Variants in SZT2 observed in about 807,000 individuals in gnomAD.
The protein encoded by SZT2 is SZT2 subunit of KICSTOR complex.
SZT2 carries 216 observed loss-of-function variants against 404.2 expected under a neutral mutation model. The observed-to-expected ratio is 0.53, with a 90% CI of 0.48 to 0.60. The LOEUF (loss-of-function observed/expected upper bound fraction) is 0.60. Ranked by LOEUF, SZT2 falls within the 20% of genes least tolerant of loss-of-function variation. The pLI is 0.00. For synonymous variants in SZT2, 1,693 were observed against 1,749.9 expected (o/e 0.97, Z 0.81); for missense variants, 3,857 against 4,459.2 (o/e 0.86, Z 3.85).
Position 43,403,778 on chromosome 1 carries a change from A to C in SZT2, c.327+4A>C, listed in dbSNP as rs931721186. On this transcript the variant is annotated splice_donor_region_variant and intron_variant, in intron 3 of 71. Coordinates refer to ENST00000634258, the MANE Select transcript of SZT2 (RefSeq NM_001365999.1). ...TAGCCCATCTACTGGCATTGTGGTA[A>C]AGGATTGAAGGGAGACTGTGGGAAG... 2 of 1,613,432 alleles carry C rather than the reference A, an allele frequency of 1.2e-6. No individual in the cohort carries two copies. Among genetic ancestry groups the C allele is most frequent in the Non-Finnish European group, 1.7e-6 (2 of 1,179,460 alleles).
intron 41 of SZT2, 45 bp from the exon 42 acceptor site, chr1:43,435,155 A>G: frequency 6.2e-7 from 1 of 1,604,898 alleles, no homozygotes; most frequent in Non-Finnish European, 8.5e-7. Context: ...CCACCCACTT[A>G]GGAGGAGGTA....
intron 1 of SZT2, among the ~76,000 whole-genome samples, chr1:43,401,696 G>T (rs546010698): frequency 2.0e-5 from 3 of 152,222 alleles, no homozygotes; most frequent in African/African-American, 7.2e-5. Context: ...ATGTTGGCCA[G>T]GCTGGTCTCG....
chr1:43,390,119 A>G, intron 1 of SZT2, 124 bp downstream of exon 1: 1 of 1,182,188 alleles, frequency 8.5e-7, no homozygotes. Context: ...GGCAGGGACC[A>G]GCCCAGCCCG....
chr1:43,430,064 C>T lies in SZT2; in HGVS notation c.4362C>T (p.Pro1454=), dbSNP rs780067380. Residue 1454 remains proline, a synonymous_variant, in exon 30 of 72, where the codon CCC becomes CCT. Coordinates refer to ENST00000634258, the MANE Select transcript of SZT2 (RefSeq NM_001365999.1). ...ACTTCCGCACAGTGCCTTCCAATCC[C>T]CACTACTTCTTCTATTGCCCTCCAT... ...RLHFRTVPSN[P]HYFFYCPPSS... 19 of 1,614,064 alleles carry T rather than the reference C, an allele frequency of 1.2e-5. No individual in the cohort carries two copies. The highest frequency in any genetic ancestry group is 1.6e-4 in the Middle Eastern group (1 of 6,084).
intron 41 of SZT2, 97 bp downstream of exon 41, chr1:43,434,582 T>C: frequency 9.2e-7 from 1 of 1,089,222 alleles, no homozygotes; most frequent in Non-Finnish European, 1.3e-6. Context: ...CATTTCAGAA[T>C]CAATAATTAT....
rs777844388 is a variant in SZT2, at chr1:43,430,523, CTGAGAG to C, written c.4512_4517del (p.Glu1504_Ser1505del). On this transcript the variant is annotated inframe_deletion, in exon 32 of 72. Coordinates refer to ENST00000634258, the MANE Select transcript of SZT2 (RefSeq NM_001365999.1). ...GACACATCTGCCTGCTGTGTGGTCA[CTGAGAG>C]TGACCCAGAGCTAGAGGTAGAATAC... 6.2e-7 allele frequency: 1 copy of C among 1,614,208 alleles called. No homozygotes were observed. Among genetic ancestry groups the C allele is most frequent in the South Asian group, 1.1e-5 (1 of 91,082 alleles).
chr1:43,438,994 G>T lies in SZT2; in HGVS notation c.6693G>T (p.Arg2231Ser). The T allele has an allele frequency of 1.2e-6, 2 of 1,614,134 alleles. No homozygotes were observed. Among genetic ancestry groups the T allele is most frequent in the Admixed American group, 3.3e-5 (2 of 60,022 alleles). ...ATCTGGCCCTACCCACCTCCTGCAG[G>T]CCCTGGCTTCCAGCCCTGGCATGGT... is the stretch of plus-strand genomic sequence containing the variant. ...VLHLALPTSCRPWLPALAWYL... is the reference protein window; with the variant it reads ...VLHLALPTSCSPWLPALAWYL... Residue 2231 changes from arginine to serine, a missense_variant, in exon 48 of 72, where the codon AGG becomes AGT. Arg to Ser is a moderately radical substitution (Grantham distance 110, BLOSUM62 -1). Transcript: ENST00000634258.
intron 1 of SZT2, among the ~76,000 whole-genome samples, chr1:43,393,098 G>A (rs1411508204): frequency 6.6e-6 from 1 of 152,232 alleles, no homozygotes; most frequent in East Asian, 1.9e-4. Flanking sequence ...GCAAGGGGTT[G>A]TGAATAGGAA....
rs773989784 is a variant in SZT2 at position 43,423,165 on chromosome 1, C to T, written c.2104C>T (p.Pro702Ser). 1.9e-6 allele frequency: 3 copies of T among 1,597,274 alleles called. No homozygotes were observed. Among genetic ancestry groups the T allele is most frequent in the Non-Finnish European group, 2.5e-6 (3 of 1,179,324 alleles). Residue 702 changes from proline (P) to serine (S), a missense_variant, in exon 15 of 72, where the codon CCA (proline) becomes TCA (serine). Physicochemically the swap from Pro to Ser is moderately conservative, Grantham distance 74 (BLOSUM62 -1). Coordinates refer to ENST00000634258, the MANE Select transcript of SZT2 (RefSeq NM_001365999.1). The part of the protein sequence containing the change: ...RFPHRVQSKE[P>S]TPKVKRKGLG... ...CCCCCACCGGGTACAAAGCAAGGAG[C>T]CAACGCCCAAGGTGAAACGAAAAGG...
Position 43,442,492 on chromosome 1 carries a change from C to T in SZT2, c.8025C>T (p.Gly2675=), listed in dbSNP as rs867807169. Residue 2675 remains glycine (G), a synonymous_variant, in exon 58 of 72, where the codon GGC becomes GGT. Transcript: ENST00000634258. The surrounding 1 kb of genome is among the most constrained non-coding windows in gnomAD (Gnocchi z 4.5). ...CTCCAGACCTGGGGGCAGCATTGGG[C>T]CGAGCGCTGGTTCGCCTGGTGCAGT... ...NWAPDLGAAL[G]RALVRLVQWQ... The T allele has an allele frequency of 1.2e-6, 2 of 1,614,122 alleles. No homozygotes were observed. The highest frequency in any genetic ancestry group is 1.6e-4 in the Middle Eastern group (1 of 6,062).
At chr1:43,443,140 A>C (rs572249288) in intron 59 of SZT2, 48 bp from the exon 60 acceptor site, 2 of 1,613,542 alleles carry the variant, frequency 1.2e-6, no homozygotes, top group South Asian at 1.1e-5. Context: ...GTCTGGGAGG[A>C]AGGGAGTGAC....
At chr1:43,403,424 C>A in intron 2 of SZT2, 122 bp downstream of exon 2, 1 of 1,442,206 alleles carries the variant, frequency 6.9e-7, no homozygotes, top group Non-Finnish European at 9.3e-7. Flanking sequence ...CAAGGGACTG[C>A]CTACAAGATG....
intron 36 of SZT2, 145 bp downstream of exon 36, chr1:43,432,046 C>A: frequency 5.0e-6 from 6 of 1,194,432 alleles, no homozygotes; most frequent in African/African-American, 3.0e-5. Context: ...TCTGCCCTAA[C>A]CCCTGTGCTT....
intron 4 of SZT2, 106 bp from the exon 5 acceptor site, chr1:43,414,976 A>C: frequency 1.4e-6 from 2 of 1,409,752 alleles, no homozygotes; most frequent in Non-Finnish European, 1.9e-6. Flanking sequence ...GTTGGGTAGG[A>C]AGTCAGGATC....
Position 43,448,805 on chromosome 1 carries a change from A to C in SZT2, c.10086+77A>C, listed in dbSNP as rs1158123754. 1 of 1,384,236 alleles carries C rather than the reference A, an allele frequency of 7.2e-7. No individual in the cohort carries two copies. Among genetic ancestry groups the C allele is most frequent in the African/African-American group, 1.4e-5 (1 of 70,182 alleles). The allele number at this position is 1,384,236 out of a possible 1,614,324, so 85.7% of individuals were successfully genotyped here. A position where few individuals can be genotyped will look rare whatever the true frequency, so the allele number is the denominator to read the frequency against. On this transcript the variant is annotated intron_variant, in intron 70 of 71. Transcript: ENST00000634258. This position sits in a 1 kb window ranked among gnomAD's most constrained non-coding sequence, Gnocchi z 4.2. ...CCAAACAGATGTGCCCCTCAGCCTG[A>C]CCAAACAAGCTCTGCTCTGGAGGGA...
intron 36 of SZT2, 62 bp from the exon 37 acceptor site, chr1:43,432,209 TA>T: frequency 6.8e-7 from 1 of 1,479,704 alleles, no homozygotes; most frequent in East Asian, 2.3e-5. Context: ...TGAGGAAGTG[TA>T]GCTCACCATG....
rs951561939 is a variant in SZT2 at position 43,453,290 on chromosome 1, C to T, written c.*2810C>T. 2 of 815,360 alleles carry T rather than the reference C, an allele frequency of 2.5e-6. No homozygotes were observed. The highest frequency in any genetic ancestry group is 3.9e-6 in the Non-Finnish European group (2 of 517,292). The allele number at this position is 815,360 out of a possible 1,614,324, so 50.5% of individuals were successfully genotyped here. ...AGAGGCAGAGATAAACCAGTGGGCT[C>T]AGACTTCTGAGCGTCTCAGATCTGG... On this transcript the variant is annotated 3_prime_UTR_variant, in exon 72 of 72. Coordinates refer to ENST00000634258, the MANE Select transcript of SZT2 (RefSeq NM_001365999.1).
In SZT2 at chr1:43,447,724, T is replaced by C. The variant is rs757791459; in HGVS notation, c.9440+26T>C. On this transcript the variant is annotated intron_variant, in intron 67 of 71. Transcript: ENST00000634258. ...GTAAGGCTGAGAGGGGCATCCAGCA[T>C]GCACGCTGCAGGAGCTGGGGTTGGG... The C allele has an allele frequency of 6.2e-6, 10 of 1,612,088 alleles. No homozygotes were observed. In the East Asian group the frequency reaches 2.2e-4, roughly 36 times the overall value.
intron 15 of SZT2, among the ~76,000 whole-genome samples, chr1:43,423,973 A>G (rs1377550892): frequency 6.7e-6 from 1 of 148,464 alleles, no homozygotes; most frequent in Admixed American, 6.7e-5. Flanking sequence ...GCAGGGTATG[A>G]GTGGTACAGA....
Sources: gnomAD v4.1 joint callset for allele counts (sites outside exome capture counted in the v4.1 genomes callset) on GRCh38, gnomAD v4.1.1 for gene constraint, Gnocchi (gnomAD v3.1) non-coding constraint, MANE v1.5 for transcripts, NCBI Gene and HGNC (gene_info 2026-07-23, HGNC 2026-07-21) for gene names.